Variants in CSTPP1 observed in about 807,000 individuals in gnomAD.
CSTPP1 encodes the protein centriolar satellite-associated tubulin polyglutamylase complex regulator 1, also known as UPF0705 protein C11orf49.
chr11:47,021,379 T>C, the CSTPP1 span, among the ~76,000 whole-genome samples: 1 of 152,178 alleles, frequency 6.6e-6, no homozygotes, highest in East Asian at 1.9e-4. Context: ...CCTTACTGAA[T>C]GCTGAATTTC....
At chr11:47,015,502 ATATATATG>A in the CSTPP1 span, among the ~76,000 whole-genome samples, 135 of 151,826 alleles carry the variant, frequency 8.9e-4, 2 homozygotes, top group African/African-American at 2.9e-3. Context: ...AACAAAAAAT[ATATATATG>A]TATATATGTA....
At chr11:46,996,398 G>T in the CSTPP1 span, among the ~76,000 whole-genome samples, 1 of 151,902 alleles carries the variant, frequency 6.6e-6, no homozygotes, top group South Asian at 2.1e-4. Flanking sequence ...CCGCCTCCCG[G>T]GTTCACGCCA....
chr11:46,962,528 G>C, the CSTPP1 span, among the ~76,000 whole-genome samples: 1 of 152,144 alleles, frequency 6.6e-6, no homozygotes, highest in South Asian at 2.1e-4. Flanking sequence ...TTTGTGGAGT[G>C]TGCCATTTAA....
chr11:46,958,294 C>G, the CSTPP1 span, among the ~76,000 whole-genome samples: 1 of 152,054 alleles, frequency 6.6e-6, no homozygotes, highest in Non-Finnish European at 1.5e-5. Context: ...GCCACCACGC[C>G]TGGCCCCATA....
the CSTPP1 span, among the ~76,000 whole-genome samples, chr11:47,087,140 T>C: frequency 6.6e-6 from 1 of 152,222 alleles, no homozygotes; most frequent in Non-Finnish European, 1.5e-5. Flanking sequence ...ATCTGGACTA[T>C]GTACTTAGCC....
At chr11:47,019,981 A>G in the CSTPP1 span, among the ~76,000 whole-genome samples, 1 of 152,230 alleles carries the variant, frequency 6.6e-6, no homozygotes, top group Admixed American at 6.5e-5. Context: ...GGCTATATAT[A>G]TTTTAAGATT....
the CSTPP1 span, among the ~76,000 whole-genome samples, chr11:46,947,320 C>A: frequency 6.6e-6 from 1 of 152,152 alleles, no homozygotes; most frequent in Admixed American, 6.5e-5. Flanking sequence ...TACACTACTT[C>A]CCTAGGGGCC....
chr11:46,970,613 T>C, the CSTPP1 span, among the ~76,000 whole-genome samples: 3 of 151,982 alleles, frequency 2.0e-5, no homozygotes, highest in Admixed American at 6.6e-5. Flanking sequence ...TTGATATAGA[T>C]CTGTAAGGGC....
the CSTPP1 span, among the ~76,000 whole-genome samples, chr11:47,115,215 T>C: frequency 6.6e-6 from 1 of 152,256 alleles, no homozygotes; most frequent in Non-Finnish European, 1.5e-5. Context: ...TTTGATGTGC[T>C]GCTGGATTTG....
At chr11:47,137,765 T>C in the CSTPP1 span, 1 of 1,592,328 alleles carries the variant, frequency 6.3e-7, no homozygotes, top group Non-Finnish European at 8.6e-7. Context: ...AACTCAGCTC[T>C]CTGTGGGCCA....
the CSTPP1 span, among the ~76,000 whole-genome samples, chr11:47,031,505 A>G: frequency 1.3e-5 from 2 of 152,198 alleles, no homozygotes; most frequent in South Asian, 4.1e-4. Flanking sequence ...CAGCCTGGGC[A>G]ACATAACGAG....
chr11:47,037,641 G>A, the CSTPP1 span, among the ~76,000 whole-genome samples: 2 of 120,380 alleles, frequency 1.7e-5, 1 homozygote, highest in Admixed American at 1.8e-4. Flanking sequence ...ATCTTGCACC[G>A]CCCTTAATCC....
At chr11:47,127,415 C>T in the CSTPP1 span, among the ~76,000 whole-genome samples, 3 of 152,214 alleles carry the variant, frequency 2.0e-5, no homozygotes, top group Admixed American at 6.5e-5. Flanking sequence ...AAGTGGCGCA[C>T]CTGCCTTCAG....
chr11:47,071,998 C>T, the CSTPP1 span, among the ~76,000 whole-genome samples: 2 of 152,224 alleles, frequency 1.3e-5, no homozygotes, highest in African/African-American at 2.4e-5. Context: ...GGTTCCTTCA[C>T]GGACTCCACT....
the CSTPP1 span, among the ~76,000 whole-genome samples, chr11:47,054,265 C>T: frequency 2.8e-5 from 4 of 143,950 alleles, no homozygotes. Context: ...GATCCAAGAT[C>T]GCGCTACTGC....
chr11:47,035,270 G>A, the CSTPP1 span, among the ~76,000 whole-genome samples: 1 of 152,170 alleles, frequency 6.6e-6, no homozygotes, highest in African/African-American at 2.4e-5. Flanking sequence ...ATCTTGTAAC[G>A]TCATGAATTT....
At chr11:47,137,346 G>C in the CSTPP1 span, 1 of 1,425,290 alleles carries the variant, frequency 7.0e-7, no homozygotes, top group Non-Finnish European at 9.3e-7. Flanking sequence ...CCAAACTAAA[G>C]AAGACTGATG....
At chr11:47,105,262 A>T in the CSTPP1 span, among the ~76,000 whole-genome samples, 1 of 152,172 alleles carries the variant, frequency 6.6e-6, no homozygotes, top group African/African-American at 2.4e-5. Context: ...TGGGAAGCAG[A>T]TGTGAGGGGA....
the CSTPP1 span, among the ~76,000 whole-genome samples, chr11:47,110,189 A>G: frequency 1.3e-5 from 2 of 152,178 alleles, no homozygotes; most frequent in East Asian, 1.9e-4. Flanking sequence ...GCCTCCACAC[A>G]TACACACTAG....
Sources: gnomAD v4.1 joint callset for allele counts (sites outside exome capture counted in the v4.1 genomes callset) on GRCh38, gnomAD v4.1.1 for gene constraint, MANE v1.5 for transcripts, NCBI Gene and HGNC (gene_info 2026-07-23, HGNC 2026-07-21) for gene names.